The following DIAPH3 variants were observed in gnomAD, a reference collection of about 807,000 sequenced individuals.
DIAPH3 encodes the protein diaphanous related formin 3.
In DIAPH3, 117 loss-of-function variants were observed where a neutral mutation model predicts 144.3. The ratio of observed to expected loss-of-function variants is 0.81; its 90% CI spans 0.70 to 0.95. The LOEUF (loss-of-function observed/expected upper bound fraction) is 0.95, where lower values mean the gene tolerates loss of function less well. DIAPH3 is among the 40% of genes least tolerant of loss of function. The pLI is 0.00. For synonymous variants in DIAPH3, 519 were observed against 488.9 expected, an observed-to-expected ratio of 1.06 and a Z score of -0.81; for missense variants, 1,421 against 1,412.7, an observed-to-expected ratio of 1.01 and a Z score of -0.09.
chr13:59,824,803 C>G (rs2041285241), intron 24 of DIAPH3, among the ~76,000 whole-genome samples: 1 of 152,060 alleles, frequency 6.6e-6, no homozygotes, highest in South Asian at 2.1e-4. Flanking sequence ...CCCTCTAAAT[C>G]TTAACCTCAA....
intron 4 of DIAPH3, among the ~76,000 whole-genome samples, chr13:60,064,198 G>T (rs2056873786): frequency 6.6e-6 from 1 of 152,124 alleles, no homozygotes; most frequent in Non-Finnish European, 1.5e-5. Flanking sequence ...TTGAGCATTG[G>T]TTTCAACTTT....
chr13:59,783,674 T>C (rs181694264), intron 25 of DIAPH3, among the ~76,000 whole-genome samples: 23 of 152,294 alleles, frequency 1.5e-4, no homozygotes, highest in African/African-American at 5.1e-4. Flanking sequence ...TTACTTAGTC[T>C]CTAAAACCCT....
At chr13:59,788,635 T>C (rs146862363) in intron 25 of DIAPH3, among the ~76,000 whole-genome samples, 8 of 152,288 alleles carry the variant, frequency 5.3e-5, no homozygotes, top group Admixed American at 4.6e-4. Flanking sequence ...CTACAAGAGA[T>C]TGACTAAATA....
At chr13:60,120,254 G>A (rs117043723) in intron 2 of DIAPH3, among the ~76,000 whole-genome samples, 16 of 152,272 alleles carry the variant, frequency 1.1e-4, no homozygotes, top group Non-Finnish European at 1.9e-4. Context: ...GACATCACTG[G>A]TTTTACAAAG....
At chr13:59,735,099 C>T (rs535688890) in intron 27 of DIAPH3, among the ~76,000 whole-genome samples, 1 of 151,380 alleles carries the variant, frequency 6.6e-6, no homozygotes, top group Admixed American at 6.6e-5. Flanking sequence ...AATAAGACTT[C>T]TTGAAAAACA....
intron 2 of DIAPH3, among the ~76,000 whole-genome samples, chr13:60,115,491 C>T (rs1438721413): frequency 6.6e-6 from 1 of 152,082 alleles, no homozygotes; most frequent in African/African-American, 2.4e-5. Flanking sequence ...CTGAGCTCAC[C>T]GGAATAGCAA....
intron 4 of DIAPH3, among the ~76,000 whole-genome samples, chr13:60,063,457 T>C (rs1005656058): frequency 2.6e-5 from 4 of 152,188 alleles, no homozygotes; most frequent in Non-Finnish European, 5.9e-5. Context: ...GAATCACAAA[T>C]GTTCTTGATG....
intron 27 of DIAPH3, among the ~76,000 whole-genome samples, chr13:59,722,297 GAATT>G (rs1235891312): frequency 6.6e-6 from 1 of 152,148 alleles, no homozygotes; most frequent in Non-Finnish European, 1.5e-5. Context: ...GGGTTCAAAG[GAATT>G]AATAAAATAT....
At chr13:60,044,779 T>C (rs1354836064) in intron 4 of DIAPH3, among the ~76,000 whole-genome samples, 1 of 152,178 alleles carries the variant, frequency 6.6e-6, no homozygotes, top group East Asian at 1.9e-4. Context: ...TCTTGAATAG[T>C]AGTTTCTATA....
intron 25 of DIAPH3, among the ~76,000 whole-genome samples, chr13:59,780,208 A>C (rs147635606): frequency 6.4e-4 from 98 of 152,256 alleles, no homozygotes; most frequent in Middle Eastern, 3.4e-3. Context: ...TCACAAGCAG[A>C]AAAGTGTATA....
intron 2 of DIAPH3, among the ~76,000 whole-genome samples, chr13:60,128,300 C>T (rs2138199318): frequency 6.6e-6 from 1 of 152,194 alleles, no homozygotes; most frequent in Middle Eastern, 3.4e-3. Flanking sequence ...TTTCTTTATC[C>T]AATCTGCCAT....
chr13:60,051,039 T>C (rs2141244935), intron 4 of DIAPH3, among the ~76,000 whole-genome samples: 1 of 152,280 alleles, frequency 6.6e-6, no homozygotes, highest in South Asian at 2.1e-4. Flanking sequence ...AGTAAATGAA[T>C]ACTGTCTACT....
At chr13:60,095,530 C>T (rs574026058) in intron 3 of DIAPH3, among the ~76,000 whole-genome samples, 10 of 151,686 alleles carry the variant, frequency 6.6e-5, no homozygotes, top group South Asian at 2.1e-4. Flanking sequence ...ATTGTCATGG[C>T]GCTAGTGAGA....
intron 25 of DIAPH3, among the ~76,000 whole-genome samples, chr13:59,799,375 GCACACACACACACACACACA>G (rs56979042): frequency 8.6e-5 from 12 of 139,248 alleles, no homozygotes; most frequent in Non-Finnish European, 1.6e-4. Context: ...CTGGAAATAT[GCACACACACACACACACACA>G]CACACACACA....
At chr13:60,107,681 T>C (rs530779229) in intron 3 of DIAPH3, among the ~76,000 whole-genome samples, 10 of 152,310 alleles carry the variant, frequency 6.6e-5, no homozygotes, top group Non-Finnish European at 1.5e-4. Flanking sequence ...TGCTTTCTCC[T>C]ACATTACAAA....
At chr13:60,007,406 T>C (rs1001323053) in intron 9 of DIAPH3, among the ~76,000 whole-genome samples, 66 of 152,236 alleles carry the variant, frequency 4.3e-4, no homozygotes, top group Middle Eastern at 3.4e-3. Flanking sequence ...ATTTTTTTAT[T>C]TCAGATTTAG....
intron 25 of DIAPH3, among the ~76,000 whole-genome samples, chr13:59,792,165 G>A (rs935944829): frequency 6.6e-6 from 1 of 152,182 alleles, no homozygotes; most frequent in Admixed American, 6.5e-5. Context: ...GGTAGATGTT[G>A]CTTGTTCCCC....
chr13:60,130,829 A>C (rs144680568), intron 2 of DIAPH3, among the ~76,000 whole-genome samples: 14 of 152,300 alleles, frequency 9.2e-5, no homozygotes, highest in African/African-American at 3.4e-4. Context: ...TTACCTTACC[A>C]AGGCCAGTTG....
chr13:59,906,625 C>A (rs1452685615), intron 20 of DIAPH3, among the ~76,000 whole-genome samples: 1 of 152,132 alleles, frequency 6.6e-6, no homozygotes, highest in Non-Finnish European at 1.5e-5. Flanking sequence ...TACAGTGACA[C>A]CAAATGGTGG....
Sources: gnomAD v4.1 joint callset for allele counts (sites outside exome capture counted in the v4.1 genomes callset) on GRCh38, gnomAD v4.1.1 for gene constraint, MANE v1.5 for transcripts, NCBI Gene and HGNC (gene_info 2026-07-23, HGNC 2026-07-21) for gene names.